The following NCAM2 variants were observed in gnomAD, a reference collection of about 807,000 sequenced individuals.
The protein encoded by NCAM2 is N-CAM-2.
A neutral mutation model predicts 98.1 loss-of-function variants in NCAM2; 30 were observed. That is an observed-to-expected ratio of 0.31 (90% CI 0.23 to 0.41). NCAM2 has a LOEUF of 0.41. NCAM2 is among the 10% of genes least tolerant of loss of function. The pLI is 1.00. For synonymous variants in NCAM2, 368 were observed against 342.4 expected, an observed-to-expected ratio of 1.07 and a Z score of -0.83; for missense variants, 867 against 1,005.8, an observed-to-expected ratio of 0.86 and a Z score of 1.87.
intron 1 of NCAM2, among the ~76,000 whole-genome samples, chr21:21,099,077 T>A (rs1453022809): frequency 1.3e-5 from 2 of 151,846 alleles, no homozygotes; most frequent in African/African-American, 4.8e-5. Context: ...GCTAGTGTCC[T>A]TCAAAGTGTT....
rs144793670 is a variant in NCAM2 at position 21,338,663 on chromosome 21, A to T, written c.1044+129A>T. On this transcript the variant is annotated intron_variant, in intron 8 of 17. Transcript: ENST00000400546. Reference sequence around the variant, plus strand: ...GGATCAAATAAATGGTTTGATTTTTAAAAAGGTAACTAACACAATGTCGGC... The same window carrying T: ...GGATCAAATAAATGGTTTGATTTTTTAAAAGGTAACTAACACAATGTCGGC... 3.3e-5 allele frequency: 33 copies of T among 991,828 alleles called. No individual in the cohort carries two copies. The African/African-American group carries it at 4.9e-4, about 15-fold the overall frequency. 61.4% of individuals were successfully genotyped at this position (991,828 alleles called of 1,614,324 possible).
chr21:21,417,455 CTCAAA>C (rs1396430346), intron 10 of NCAM2, among the ~76,000 whole-genome samples: 5 of 151,960 alleles, frequency 3.3e-5, no homozygotes, highest in African/African-American at 1.2e-4. Flanking sequence ...TTCAATGGGC[CTCAAA>C]ATTGCACTCT....
At chr21:21,358,133 T>C (rs1359495518) in intron 8 of NCAM2, among the ~76,000 whole-genome samples, 1 of 152,142 alleles carries the variant, frequency 6.6e-6, no homozygotes, top group Non-Finnish European at 1.5e-5. Flanking sequence ...AGAGAAAATA[T>C]TTTCATTCGA....
chr21:21,142,032 G>A (rs2146657429), intron 1 of NCAM2, among the ~76,000 whole-genome samples: 1 of 152,266 alleles, frequency 6.6e-6, no homozygotes, highest in East Asian at 1.9e-4. Context: ...TTCAAATTCA[G>A]CCTTTAAGGG....
At chr21:21,489,693 A>G (rs1986688038) in intron 15 of NCAM2, among the ~76,000 whole-genome samples, 1 of 152,174 alleles carries the variant, frequency 6.6e-6, no homozygotes, top group Admixed American at 6.5e-5. Flanking sequence ...ATTACAACTT[A>G]TGTTGAAATT....
rs1306675720 is a variant in NCAM2, at chr21:21,538,742, C to T, written c.*785C>T. The T allele has an allele frequency of 6.6e-6, 1 of 151,976 alleles. No individual in the cohort carries two copies. Among genetic ancestry groups the T allele is most frequent in the Non-Finnish European group, 1.5e-5 (1 of 67,978 alleles). 9.4% of individuals were successfully genotyped at this position (151,976 alleles called of 1,614,324 possible). ...AAATAATATTGATTTCTGCCCTCAGCTTCAAATAAAGTAAATTGAAATGGG... is the reference window on the plus strand; with the variant it reads ...AAATAATATTGATTTCTGCCCTCAGTTTCAAATAAAGTAAATTGAAATGGG... On this transcript the variant is annotated 3_prime_UTR_variant, in exon 18 of 18. Coordinates refer to ENST00000400546, the MANE Select transcript of NCAM2 (RefSeq NM_004540.5).
intron 7 of NCAM2, among the ~76,000 whole-genome samples, chr21:21,337,432 A>C: frequency 6.6e-6 from 1 of 152,110 alleles, no homozygotes; most frequent in East Asian, 1.9e-4. Context: ...AATGAAATAA[A>C]GAGTGAATTG....
intron 1 of NCAM2, among the ~76,000 whole-genome samples, chr21:21,015,047 T>C (rs1169117347): frequency 1.3e-5 from 2 of 152,216 alleles, no homozygotes; most frequent in Non-Finnish European, 2.9e-5. Flanking sequence ...TGCAATCTCA[T>C]GACAAAACTT....
chr21:21,011,451 G>A (rs1170237407), intron 1 of NCAM2, among the ~76,000 whole-genome samples: 2 of 151,806 alleles, frequency 1.3e-5, no homozygotes, highest in Middle Eastern at 3.4e-3. Context: ...TTCTCCCCCC[G>A]CCTCCCACCC....
intron 1 of NCAM2, among the ~76,000 whole-genome samples, chr21:21,250,953 G>A (rs1348954236): frequency 6.6e-6 from 1 of 152,052 alleles, no homozygotes; most frequent in African/African-American, 2.4e-5. Flanking sequence ...ATTGCTTTTT[G>A]TTTATGAGAT....
At chr21:21,488,529 A>C (rs1986583167) in intron 15 of NCAM2, among the ~76,000 whole-genome samples, 1 of 151,998 alleles carries the variant, frequency 6.6e-6, no homozygotes, top group Non-Finnish European at 1.5e-5. Flanking sequence ...GATAATGGAG[A>C]AATAAAACCT....
At chr21:21,481,635 T>C (rs913093731) in intron 15 of NCAM2, among the ~76,000 whole-genome samples, 15 of 152,074 alleles carry the variant, frequency 9.9e-5, no homozygotes, top group African/African-American at 3.4e-4. Context: ...TGATGAAAAA[T>C]GCTAGATGAA....
At chr21:21,088,813 C>CA (rs531887352) in intron 1 of NCAM2, among the ~76,000 whole-genome samples, 1,707 of 150,738 alleles carry the variant, frequency 0.011, 37 homozygotes, top group African/African-American at 0.039. Flanking sequence ...ACTAAAAATA[C>CA]AAAAAAAAAT....
At chr21:21,068,522 C>T (rs9979802) in intron 1 of NCAM2, among the ~76,000 whole-genome samples, 5,277 of 146,404 alleles carry the variant, frequency 0.036, 308 homozygotes, top group African/African-American at 0.12. Context: ...TGCAGTGGCG[C>T]AATCTCGGCT....
At position 21,540,921 on chromosome 21, in the gene NCAM2, T is replaced by C. The variant is rs1301106135; in HGVS notation, c.*2964T>C. The C allele has an allele frequency of 6.6e-6, 1 of 151,948 alleles. No homozygotes were observed. The highest frequency in any genetic ancestry group is 2.4e-5 in the African/African-American group (1 of 41,452). 9.4% of individuals were successfully genotyped at this position (151,948 alleles called of 1,614,324 possible). ...TCAAAGGAATTTAAGAATTGTATTT[T>C]TAAAGATTTATTTATTATTTTTGTG... On this transcript the variant is annotated 3_prime_UTR_variant, in exon 18 of 18. Transcript: ENST00000400546.
chr21:21,411,741 T>C (rs1278771157), intron 10 of NCAM2, among the ~76,000 whole-genome samples: 1 of 152,176 alleles, frequency 6.6e-6, no homozygotes, highest in African/African-American at 2.4e-5. Flanking sequence ...CCGTCTAATA[T>C]CCATACTGCC....
At chr21:20,999,900 A>T (rs1346108309) in intron 1 of NCAM2, among the ~76,000 whole-genome samples, 1 of 152,150 alleles carries the variant, frequency 6.6e-6, no homozygotes, top group African/African-American at 2.4e-5. Context: ...CCCCACAGCT[A>T]TAGTGTTAGT....
At chr21:21,453,019 A>G (rs1224174827) in intron 12 of NCAM2, among the ~76,000 whole-genome samples, 2 of 107,158 alleles carry the variant, frequency 1.9e-5, no homozygotes, top group South Asian at 2.4e-4. Flanking sequence ...ATATAAAAAT[A>G]TATAATATAT....
chr21:21,535,063 G>C (rs910277638), intron 17 of NCAM2, among the ~76,000 whole-genome samples: 3 of 151,994 alleles, frequency 2.0e-5, no homozygotes, highest in Non-Finnish European at 4.4e-5. Flanking sequence ...TGAAATATAC[G>C]CACGGCTATT....
Sources: gnomAD v4.1 joint callset for allele counts (sites outside exome capture counted in the v4.1 genomes callset) on GRCh38, gnomAD v4.1.1 for gene constraint, MANE v1.5 for transcripts, NCBI Gene and HGNC (gene_info 2026-07-23, HGNC 2026-07-21) for gene names.